Variants in OLFM3 observed in about 807,000 individuals in gnomAD.
OLFM3 encodes noelin-3.
OLFM3 carries 20 observed loss-of-function variants against 48.6 expected under a neutral mutation model. The observed-to-expected ratio is 0.41, with a 90% confidence interval of 0.29 to 0.60. OLFM3 has a LOEUF of 0.60. Among genes scored for constraint, OLFM3 ranks in the 20% least tolerant of loss-of-function variants. The pLI is 0.28. For missense variants in OLFM3, 437 were observed against 544.3 expected (o/e 0.80, Z 1.96); for synonymous variants, 222 against 198.1 (o/e 1.12, Z -1.01).
intron 1 of OLFM3, among the ~76,000 whole-genome samples, chr1:101,985,258 A>G (rs530180794): frequency 3.3e-5 from 5 of 152,342 alleles, no homozygotes; most frequent in African/African-American, 1.2e-4. Flanking sequence ...TCTTATCTCA[A>G]GATCCTTACT....
intron 1 of OLFM3, among the ~76,000 whole-genome samples, chr1:101,923,387 T>C (rs759404987): frequency 6.6e-6 from 1 of 152,214 alleles, no homozygotes; most frequent in Non-Finnish European, 1.5e-5. Context: ...CAATTACTTG[T>C]TTTTAACTTA....
intron 1 of OLFM3, among the ~76,000 whole-genome samples, chr1:101,987,025 T>G (rs1661261378): frequency 6.6e-6 from 1 of 152,236 alleles, no homozygotes; most frequent in Admixed American, 6.5e-5. Flanking sequence ...TGTGCTCACC[T>G]CCATGCTACA....
intron 4 of OLFM3, among the ~76,000 whole-genome samples, chr1:101,810,278 A>G (rs756551099): frequency 2.6e-5 from 4 of 151,966 alleles, no homozygotes; most frequent in African/African-American, 7.2e-5. Flanking sequence ...CTAAATCCTC[A>G]TCTTGCAGAG....
At chr1:101,859,711 T>G (rs1656571611) in intron 1 of OLFM3, 1 of 152,144 alleles carries the variant, frequency 6.6e-6, no homozygotes, top group Non-Finnish European at 1.5e-5. Flanking sequence ...ATGTAGATTT[T>G]CAGATTAGGA....
At chr1:101,910,827 T>C (rs577941058) in intron 1 of OLFM3, among the ~76,000 whole-genome samples, 3 of 152,212 alleles carry the variant, frequency 2.0e-5, no homozygotes, top group Non-Finnish European at 4.4e-5. Flanking sequence ...AAATCCCTGA[T>C]AGAAATCACT....
At chr1:101,848,891 T>C (rs1299457677) in intron 1 of OLFM3, among the ~76,000 whole-genome samples, 2 of 152,164 alleles carry the variant, frequency 1.3e-5, no homozygotes. Context: ...ATACTTATTA[T>C]TGAGCTATCA....
At chr1:101,893,246 TG>T (rs1347285651) in intron 1 of OLFM3, 3 of 287,910 alleles carry the variant, frequency 1.0e-5, no homozygotes, top group South Asian at 7.7e-5. Flanking sequence ...AAGACAGAGG[TG>T]GGGAAAAAAA....
intron 1 of OLFM3, among the ~76,000 whole-genome samples, chr1:101,887,070 T>G (rs984478129): frequency 1.3e-5 from 2 of 152,016 alleles, no homozygotes; most frequent in Non-Finnish European, 2.9e-5. Flanking sequence ...TTTTTTCAAA[T>G]TAGCTGGAGA....
At chr1:101,935,356 A>G (rs1439586115) in intron 1 of OLFM3, among the ~76,000 whole-genome samples, 4 of 152,108 alleles carry the variant, frequency 2.6e-5, no homozygotes, top group African/African-American at 9.7e-5. Context: ...ACCTCTATGC[A>G]CACAACTAGA....
intron 1 of OLFM3, among the ~76,000 whole-genome samples, chr1:101,887,517 A>T (rs1411340456): frequency 6.6e-6 from 1 of 152,028 alleles, no homozygotes. Flanking sequence ...TAAGATCTTA[A>T]GGTCAATAAT....
chr1:101,930,360 A>G (rs1659408817), intron 1 of OLFM3, among the ~76,000 whole-genome samples: 1 of 152,184 alleles, frequency 6.6e-6, no homozygotes. Flanking sequence ...AGTTTTTTTG[A>G]AAGGAAACTA....
At chr1:101,870,955 A>G (rs535034179) in intron 1 of OLFM3, among the ~76,000 whole-genome samples, 1,716 of 149,400 alleles carry the variant, frequency 0.011, 31 homozygotes, top group African/African-American at 0.04. Context: ...TTTTAAAAAG[A>G]AAAAAAAAGA....
At chr1:101,906,176 A>G (rs1366860982) in intron 1 of OLFM3, among the ~76,000 whole-genome samples, 1 of 151,860 alleles carries the variant, frequency 6.6e-6, no homozygotes, top group Admixed American at 6.6e-5. Flanking sequence ...AATGCCTTTT[A>G]TAGCTCCAGT....
chr1:101,993,221 G>C (rs939113565), intron 1 of OLFM3, among the ~76,000 whole-genome samples: 2 of 152,080 alleles, frequency 1.3e-5, no homozygotes, highest in African/African-American at 4.8e-5. Flanking sequence ...TATCTTTATA[G>C]TTCAGAGCAG....
intron 1 of OLFM3, among the ~76,000 whole-genome samples, chr1:101,923,740 T>C (rs1044145202): frequency 1.6e-4 from 25 of 152,308 alleles, no homozygotes; most frequent in Admixed American, 1.4e-3. Flanking sequence ...TCTTCAATTT[T>C]CTAATTCAGT....
At chr1:101,967,742 G>A (rs1332542911) in intron 1 of OLFM3, among the ~76,000 whole-genome samples, 2 of 152,124 alleles carry the variant, frequency 1.3e-5, no homozygotes, top group Non-Finnish European at 1.5e-5. Context: ...CCATGGAGGT[G>A]CAGACCACCT....
chr1:101,882,882 T>C (rs942014858), intron 1 of OLFM3: 3 of 151,850 alleles, frequency 2.0e-5, no homozygotes, highest in African/African-American at 7.3e-5. Context: ...TGTTTTACAG[T>C]AACAACAGTA....
chr1:101,856,275 G>A (rs909978701), intron 1 of OLFM3, among the ~76,000 whole-genome samples: 1 of 151,930 alleles, frequency 6.6e-6, no homozygotes, highest in Non-Finnish European at 1.5e-5. Flanking sequence ...CATCCTAAGA[G>A]TTATACAGTT....
At position 101,860,392 on chromosome 1, in the gene OLFM3, A is replaced by G. The variant is rs536807900; in HGVS notation, c.70-23367T>C. On this transcript the variant is annotated intron_variant, in intron 1 of 5. Coordinates refer to ENST00000370103, the MANE Select transcript of OLFM3 (RefSeq NM_058170.4). ...CATGAATAACAGTCTTAATTCATAT[A>G]TGTGTGTGTTTATGCAATTATTTTA... is the stretch of plus-strand genomic sequence containing the variant. 2.6e-5 allele frequency among the ~76,000 whole-genome samples: 4 copies of G among 152,192 alleles called. No individual in the cohort carries two copies. In the East Asian group the frequency reaches 7.7e-4, roughly 29 times the overall value.
Sources: allele counts gnomAD v4.1 joint callset (sites outside exome capture counted in the v4.1 genomes callset), GRCh38; gene constraint gnomAD v4.1.1; transcripts MANE v1.5; gene names NCBI Gene and HGNC (gene_info 2026-07-23, HGNC 2026-07-21).